The following ITPA variants were observed in gnomAD, a reference collection of about 807,000 sequenced individuals.
ITPA encodes inosine triphosphatase.
A neutral mutation model predicts 29.6 loss-of-function variants in ITPA; 29 were observed. That is an observed-to-expected ratio of 0.98 (90% CI 0.73 to 1.34). The LOEUF (loss-of-function observed/expected upper bound fraction) is 1.34. ITPA is among the 40% of genes most tolerant of loss of function. The probability of loss-of-function intolerance (pLI) is 0.00; values close to 1 mark genes in which losing one functional copy is unlikely to be tolerated. For missense variants in ITPA, 241 were observed against 251.5 expected (o/e 0.96, Z 0.28); for synonymous variants, 103 against 99.3 (o/e 1.04, Z -0.22).
At chr20:3,216,523 G>A (rs1345221283) in intron 5 of ITPA, among the ~76,000 whole-genome samples, 4 of 147,550 alleles carry the variant, frequency 2.7e-5, no homozygotes, top group South Asian at 2.1e-4. Context: ...GCACGATCTC[G>A]GCTCACTACA....
At chr20:3,226,451 C>T (rs190070433), downstream of ITPA, among the ~76,000 whole-genome samples, 285 of 152,252 alleles carry the variant, frequency 1.9e-3, no homozygotes, top group Non-Finnish European at 3.1e-3. The surrounding 1 kb of genome is among the most constrained non-coding windows in gnomAD (Gnocchi z 4.4). Context: ...GATTGGTTCT[C>T]GGGGCCCTGG....
chr20:3,213,099 G>A (rs2067210233), intron 1 of ITPA, 70 bp from the exon 2 acceptor site: 1 of 1,452,222 alleles, frequency 6.9e-7, no homozygotes, highest in African/African-American at 1.4e-5. Flanking sequence ...GAGAAAGGCG[G>A]ATGACAGCTC....
chr20:3,211,771 C>T (rs550949733), intron 1 of ITPA, among the ~76,000 whole-genome samples: 34 of 152,306 alleles, frequency 2.2e-4, no homozygotes, highest in African/African-American at 7.5e-4. Flanking sequence ...AGATTACATG[C>T]GTGAGCCACC....
At chr20:3,209,301 A>C (rs1373959296), upstream of ITPA, 1 of 570,922 alleles carries the variant, frequency 1.8e-6, no homozygotes, top group Non-Finnish European at 3.2e-6. The surrounding 1 kb of genome is among the most constrained non-coding windows in gnomAD (Gnocchi z 4.6). Context: ...GTTCTTGAAG[A>C]TAGCGTCCCT....
chr20:3,220,549 G>T (rs1309198478), intron 6 of ITPA, among the ~76,000 whole-genome samples: 2 of 151,538 alleles, frequency 1.3e-5, no homozygotes, highest in East Asian at 3.9e-4. Flanking sequence ...TTTTTAAAGA[G>T]TAAAAAAAAA....
chr20:3,204,269 G>C (rs1395074387), upstream of ITPA, among the ~76,000 whole-genome samples: 2 of 152,214 alleles, frequency 1.3e-5, no homozygotes, highest in African/African-American at 4.8e-5. Context: ...CAGGGCCTCA[G>C]GCCTTTGGAG....
chr20:3,221,214 CT>C (rs989256246), intron 6 of ITPA, among the ~76,000 whole-genome samples: 71 of 141,944 alleles, frequency 5.0e-4, no homozygotes, highest in Admixed American at 6.1e-4. Flanking sequence ...TCTTTTCTTT[CT>C]TTTTTTTTTT....
chr20:3,220,887 G>GT (rs796297250), intron 6 of ITPA, among the ~76,000 whole-genome samples: 1 of 151,810 alleles, frequency 6.6e-6, no homozygotes, highest in South Asian at 2.1e-4. Flanking sequence ...AATCTTTTGG[G>GT]TTTTTTTGTT....
intron 5 of ITPA, among the ~76,000 whole-genome samples, chr20:3,216,157 G>GTTT (rs71331043): frequency 0.026 from 2,801 of 109,214 alleles, 78 homozygotes; most frequent in Non-Finnish European, 0.039. Context: ...CGCTGGCTAA[G>GTTT]TTTTTTTTTT....
upstream of ITPA, among the ~76,000 whole-genome samples, chr20:3,206,332 G>A (rs1047387951): frequency 2.2e-5 from 3 of 137,682 alleles, no homozygotes; most frequent in African/African-American, 5.6e-5. Flanking sequence ...AGGTTGCAGT[G>A]AGCCGAGATC....
intron 5 of ITPA, among the ~76,000 whole-genome samples, chr20:3,216,819 C>T (rs1388769887): frequency 6.6e-6 from 1 of 151,320 alleles, no homozygotes; most frequent in Admixed American, 6.6e-5. Context: ...AACACCTGAC[C>T]TCAGGTGGTC....
chr20:3,223,674 C>G lies in ITPA; in HGVS notation c.*212C>G. ...ACGCCATTCTCTTGCCCTTAGGATT[C>G]ACTGCTCTCTCCTACAGCCGCCAGG... On this transcript the variant is annotated 3_prime_UTR_variant, in exon 8 of 8. Coordinates refer to ENST00000380113, the MANE Select transcript of ITPA (RefSeq NM_033453.4). 1 of 603,272 alleles carries G rather than the reference C, an allele frequency of 1.7e-6. No individual in the cohort carries two copies. Among genetic ancestry groups the G allele is most frequent in the Non-Finnish European group, 3.0e-6 (1 of 335,450 alleles). The allele number at this position is 603,272 out of a possible 1,614,324, so 37.4% of individuals were successfully genotyped here.
At chr20:3,204,752 G>C (rs2067059262), upstream of ITPA, 6 of 914,738 alleles carry the variant, frequency 6.6e-6, no homozygotes, top group South Asian at 9.8e-5. Context: ...ACATCACAGA[G>C]AGGCTTTAAT....
chr20:3,206,755 C>T (rs1329918150), upstream of ITPA, among the ~76,000 whole-genome samples: 5 of 150,994 alleles, frequency 3.3e-5, no homozygotes, highest in Admixed American at 1.3e-4. Flanking sequence ...GGTGGGGACC[C>T]GGGAGGCGGA....
chr20:3,219,745 C>CAAA (rs1491514097), intron 6 of ITPA, among the ~76,000 whole-genome samples: 1 of 97,042 alleles, frequency 1.0e-5, no homozygotes, highest in Non-Finnish European at 2.5e-5. Context: ...GACTCCGTCT[C>CAAA]CAAAAAAAAA....
chr20:3,207,364 A>G (rs2067079098), upstream of ITPA, among the ~76,000 whole-genome samples: 1 of 152,178 alleles, frequency 6.6e-6, no homozygotes, highest in Non-Finnish European at 1.5e-5. Context: ...CTTACATTAC[A>G]GAACACCTAC....
intron 5 of ITPA, among the ~76,000 whole-genome samples, chr20:3,218,202 G>GC (rs1342568629): frequency 6.6e-6 from 1 of 152,216 alleles, no homozygotes; most frequent in Non-Finnish European, 1.5e-5. Context: ...ACTGGCATGA[G>GC]CCACCACGCC....
chr20:3,206,315 G>A (rs1315673202), upstream of ITPA, among the ~76,000 whole-genome samples: 4 of 144,876 alleles, frequency 2.8e-5, no homozygotes, highest in South Asian at 2.2e-4. Context: ...TCGAAGCCGG[G>A]AGGCAGAGGT....
At chr20:3,210,234 C>A (rs1379101063) in intron 1 of ITPA, among the ~76,000 whole-genome samples, 1 of 152,030 alleles carries the variant, frequency 6.6e-6, no homozygotes, top group Admixed American at 6.6e-5. Flanking sequence ...TCATGTAAGC[C>A]ACCAGATGAC....
Sources: allele counts gnomAD v4.1 joint callset (sites outside exome capture counted in the v4.1 genomes callset), GRCh38; gene constraint gnomAD v4.1.1; non-coding constraint Gnocchi (gnomAD v3.1); transcripts MANE v1.5; gene names NCBI Gene and HGNC (gene_info 2026-07-23, HGNC 2026-07-21).